Variants in TRIM33 observed in about 807,000 individuals in gnomAD.
The protein encoded by TRIM33 is E3 ubiquitin-protein ligase TRIM33.
TRIM33 carries 20 observed loss-of-function variants against 125.4 expected under a neutral mutation model. The ratio of observed to expected loss-of-function variants is 0.16; its 90% CI spans 0.11 to 0.23. The LOEUF is 0.23. Ranked by LOEUF, TRIM33 falls within the 10% of genes least tolerant of loss-of-function variation. The pLI is 1.00. For synonymous variants in TRIM33, 564 were observed against 513.9 expected, an observed-to-expected ratio of 1.10 and a Z score of -1.32; for missense variants, 920 against 1,411.4, an observed-to-expected ratio of 0.65 and a Z score of 5.58.
At chr1:114,454,995 A>G (rs1219898998) in intron 4 of TRIM33, among the ~76,000 whole-genome samples, 1 of 152,212 alleles carries the variant, frequency 6.6e-6, no homozygotes, top group Non-Finnish European at 1.5e-5. Flanking sequence ...CTTCTGGAAT[A>G]AAAACCTTTA....
chr1:114,463,428 C>T lies in TRIM33; in HGVS notation c.774G>A (p.Lys258=), dbSNP rs756611768. 5 of 1,612,986 alleles carry T rather than the reference C, an allele frequency of 3.1e-6. No individual in the cohort carries two copies. Among genetic ancestry groups the T allele is most frequent in the Non-Finnish European group, 4.2e-6 (5 of 1,179,488 alleles). Reference sequence around the variant, plus strand: ...CTATCTTACCTGAGACATCTTCTTTCTTCCTGATCAAGTGATCTTTAGTAA... The same window carrying T: ...CTATCTTACCTGAGACATCTTCTTTTTTCCTGATCAAGTGATCTTTAGTAA... ...VKFTKDHLIR[K]KEDVSESVGA... Residue 258 remains lysine, a synonymous_variant, in exon 3 of 20, where the codon AAG becomes AAA. Transcript: ENST00000358465.
chr1:114,510,949 A>C lies in TRIM33; in HGVS notation c.128T>G (p.Val43Gly), dbSNP rs1161128054. The change falls in exon 1 of 20, where the codon GTG becomes GGG. Residue 43 changes from valine to glycine, a missense_variant. Physicochemically the swap from Val to Gly is moderately radical, Grantham distance 109. Around this residue, in one of 8 missense-constraint regions of TRIM33, gnomAD observed 233 missense variants for 189.6 expected, o/e 1.23. Coordinates refer to ENST00000358465, the MANE Select transcript of TRIM33 (RefSeq NM_015906.4). ...EAEPPLTAVL[V>G]EEEEEEGGRA... is the part of the protein sequence containing the mutation. ...GCCGCCTTCCTCCTCCTCCTCCTCC[A>C]CCAGCACCGCGGTGAGAGGCGGCTC... 5 of 1,404,802 alleles carry C rather than the reference A, an allele frequency of 3.6e-6. No individual in the cohort carries two copies. In the Admixed American group the frequency reaches 1.4e-4, roughly 40 times the overall value. The allele number at this position is 1,404,802 out of a possible 1,614,324, so 87.0% of individuals were successfully genotyped here.
At position 114,394,982 on chromosome 1, in the gene TRIM33, G is replaced by T. The variant is rs915650890; in HGVS notation, c.*2666C>A. ...TGCCATTTAAAAAACAAATACAAAT[G>T]TGAGAGAGTATAAAAACAAACTGCC... On this transcript the variant is annotated 3_prime_UTR_variant, in exon 20 of 20. Transcript: ENST00000358465. 1.5e-5 allele frequency: 3 copies of T among 195,258 alleles called. No individual in the cohort carries two copies. Among genetic ancestry groups the T allele is most frequent in the Admixed American group, 6.1e-5 (1 of 16,462 alleles). The allele number at this position is 195,258 out of a possible 1,614,324, so 12.1% of individuals were successfully genotyped here.
At chr1:114,428,051 G>A (rs1647702334) in intron 6 of TRIM33, among the ~76,000 whole-genome samples, 157 bp from the exon 7 acceptor site, 1 of 152,192 alleles carries the variant, frequency 6.6e-6, no homozygotes. Flanking sequence ...CAGAGGAAAA[G>A]CCACTAACAA....
At chr1:114,490,282 C>T (rs1443555126) in intron 1 of TRIM33, among the ~76,000 whole-genome samples, 1 of 151,874 alleles carries the variant, frequency 6.6e-6, no homozygotes, top group African/African-American at 2.4e-5. Context: ...TCAATAAGTG[C>T]AAAAGAAAAT....
At chr1:114,463,607 CTA>C (rs1491214193) in intron 2 of TRIM33, 51 bp from the exon 3 acceptor site, 5 of 957,986 alleles carry the variant, frequency 5.2e-6, no homozygotes, top group Admixed American at 2.5e-5. Context: ...AAATCTAGAT[CTA>C]AAAAAAAAAA....
intron 11 of TRIM33, 135 bp downstream of exon 11, chr1:114,421,301 T>C: frequency 1.2e-6 from 1 of 807,912 alleles, no homozygotes; most frequent in Non-Finnish European, 1.9e-6. Flanking sequence ...AGACTTTTAG[T>C]GATTTAGACT....
At chr1:114,432,445 A>C (rs1437344162) in intron 5 of TRIM33, among the ~76,000 whole-genome samples, 4 of 152,170 alleles carry the variant, frequency 2.6e-5, no homozygotes. Context: ...TGTGTGTACA[A>C]TCTACAAGCT....
intron 11 of TRIM33, among the ~76,000 whole-genome samples, chr1:114,415,862 G>C (rs192244463): frequency 5.0e-4 from 73 of 146,202 alleles, no homozygotes; most frequent in Admixed American, 2.9e-3. Context: ...TGAGGCATAA[G>C]AATTGCTTGA....
intron 10 of TRIM33, among the ~76,000 whole-genome samples, chr1:114,422,893 C>A (rs1261081629): frequency 6.6e-6 from 1 of 151,952 alleles, no homozygotes; most frequent in Non-Finnish European, 1.5e-5. Flanking sequence ...TTTTAATTCC[C>A]AAATACATAA....
chr1:114,459,069 T>C (rs1013062846), intron 4 of TRIM33, among the ~76,000 whole-genome samples: 3 of 152,192 alleles, frequency 2.0e-5, no homozygotes, highest in Non-Finnish European at 4.4e-5. Flanking sequence ...TTTGTCCCTA[T>C]TCCTGGCATA....
chr1:114,415,707 T>C (rs2101125573), intron 11 of TRIM33, among the ~76,000 whole-genome samples: 1 of 152,056 alleles, frequency 6.6e-6, no homozygotes, highest in African/African-American at 2.4e-5. Flanking sequence ...TCCCAGCACT[T>C]TGGGAGGCTG....
intron 4 of TRIM33, among the ~76,000 whole-genome samples, chr1:114,444,649 C>T (rs187404162): frequency 1.7e-4 from 26 of 152,302 alleles, no homozygotes; most frequent in Admixed American, 3.9e-4. Flanking sequence ...TCTTCCCTAA[C>T]AAAGCATAAA....
intron 4 of TRIM33, among the ~76,000 whole-genome samples, chr1:114,448,179 G>A (rs975124636): frequency 6.6e-6 from 1 of 152,226 alleles, no homozygotes; most frequent in Admixed American, 6.5e-5. Context: ...CTACATGAGA[G>A]GGGATGGAAC....
intron 11 of TRIM33, among the ~76,000 whole-genome samples, chr1:114,416,073 G>C (rs1652924851): frequency 1.3e-5 from 2 of 151,908 alleles, no homozygotes; most frequent in African/African-American, 4.8e-5. Flanking sequence ...TCAGTACTTA[G>C]GGTCTTAATA....
At chr1:114,408,605 A>G (rs1478245848) in intron 13 of TRIM33, 72 bp downstream of exon 13, 1 of 985,348 alleles carries the variant, frequency 1.0e-6, no homozygotes, top group Non-Finnish European at 1.5e-6. Context: ...TCACTGTAAT[A>G]TTCTACTTTT....
intron 1 of TRIM33, among the ~76,000 whole-genome samples, chr1:114,503,352 G>A (rs958786111): frequency 1.3e-5 from 2 of 152,030 alleles, no homozygotes; most frequent in African/African-American, 4.8e-5. Context: ...ATGGTAGCGT[G>A]TGCCTGTAAT....
chr1:114,457,049 G>C (rs1260632896), intron 4 of TRIM33, among the ~76,000 whole-genome samples: 3 of 152,150 alleles, frequency 2.0e-5, no homozygotes, highest in Admixed American at 6.5e-5. Flanking sequence ...GTGTTTGGTT[G>C]GGTATATCCG....
chr1:114,499,519 T>C (rs1167019407), intron 1 of TRIM33, among the ~76,000 whole-genome samples: 1 of 152,128 alleles, frequency 6.6e-6, no homozygotes, highest in African/African-American at 2.4e-5. Context: ...ACCCACATTG[T>C]GTATAATTCT....
Sources: gnomAD v4.1 joint callset for allele counts (sites outside exome capture counted in the v4.1 genomes callset) on GRCh38, gnomAD v4.1.1 for gene constraint, gnomAD v4.1.1 regional missense constraint, MANE v1.5 for transcripts, NCBI Gene and HGNC (gene_info 2026-07-23, HGNC 2026-07-21) for gene names.